CLEC4A: variants seen among roughly 807,000 people sequenced by gnomAD.
CLEC4A encodes C-type (calcium dependent, carbohydrate-recognition domain) lectin, superfamily member 6.
CLEC4A carries 27 observed loss-of-function variants against 32.7 expected under a neutral mutation model. The ratio of observed to expected loss-of-function variants is 0.83; its 90% CI spans 0.61 to 1.14. The LOEUF (loss-of-function observed/expected upper bound fraction) is 1.14, where lower values mean the gene tolerates loss of function less well. Among genes scored for constraint, CLEC4A ranks in the 50% most tolerant of loss-of-function variants. The pLI, the probability that CLEC4A is intolerant of heterozygous loss-of-function variation, is 0.00. For missense variants in CLEC4A, 253 were observed against 274.6 expected (o/e 0.92, Z 0.55); for synonymous variants, 89 against 93.7 (o/e 0.95, Z 0.29).
chr12:8,105,107 G>T, the CLEC4A span, among the ~76,000 whole-genome samples: 1 of 152,128 alleles, frequency 6.6e-6, no homozygotes, highest in Non-Finnish European at 1.5e-5. Context: ...CCAATAATGG[G>T]ATTACTGGGT....
At chr12:8,121,008 G>A (rs1947826350), upstream of CLEC4A, 1 of 152,234 alleles carries the variant, frequency 6.6e-6, no homozygotes, top group Admixed American at 6.5e-5. Flanking sequence ...CTTACAAGGA[G>A]CTATTCTGTG....
rs749967450 is a variant in CLEC4A at position 8,134,540 on chromosome 12, C to T, written c.299-1045C>T. 31 of 1,613,788 alleles carry T rather than the reference C, an allele frequency of 1.9e-5. 1 individual carries two copies. The African/African-American group carries it at 3.1e-4, about 16-fold the overall frequency. Reference sequence around the variant, plus strand: ...CCGGGGAGGCCCCATCGGAGTTGCTCTCCACCCCGACTCCTGCTTCGCCCT... The same window carrying T: ...CCGGGGAGGCCCCATCGGAGTTGCTTTCCACCCCGACTCCTGCTTCGCCCT... On this transcript the variant is annotated intron_variant, in intron 3 of 5. Coordinates refer to ENST00000229332, the MANE Select transcript of CLEC4A (RefSeq NM_016184.4).
chr12:8,111,469 T>C, the CLEC4A span, among the ~76,000 whole-genome samples: 2 of 152,236 alleles, frequency 1.3e-5, no homozygotes, highest in East Asian at 3.9e-4. Flanking sequence ...TGTGAGCCAC[T>C]GCACCTGGCC....
the CLEC4A span, among the ~76,000 whole-genome samples, chr12:8,104,374 CT>C: frequency 6.6e-6 from 1 of 152,146 alleles, no homozygotes. Context: ...CAAACAAGTA[CT>C]TTATGCCTTG....
At chr12:8,130,145 G>A (rs1252778210) in intron 3 of CLEC4A, among the ~76,000 whole-genome samples, 11 of 152,180 alleles carry the variant, frequency 7.2e-5, no homozygotes, top group African/African-American at 2.2e-4. Context: ...CCTAAAATTC[G>A]TATATGTACT....
rs567636262 is a variant in CLEC4A, at chr12:8,126,482, C to T, written c.199+805C>T. ...CAGTCTGCCTACCTCAGCCTCCTAA[C>T]GTGCTGGGATTACAGGCATGAGTCA... On this transcript the variant is annotated intron_variant, in intron 2 of 5. Coordinates refer to ENST00000229332, the MANE Select transcript of CLEC4A (RefSeq NM_016184.4). Among the ~76,000 whole-genome samples the T allele has an allele frequency of 3.6e-4, 54 of 151,054 alleles. No homozygotes were observed. In the South Asian group the frequency reaches 9.4e-3, roughly 26 times the overall value.
chr12:8,127,609 A>T (rs987347969), intron 2 of CLEC4A, among the ~76,000 whole-genome samples: 2 of 152,228 alleles, frequency 1.3e-5, no homozygotes, highest in African/African-American at 4.8e-5. Flanking sequence ...TGGAAAATGG[A>T]TAAATGAGGA....
At chr12:8,134,914 T>C in intron 3 of CLEC4A, 4 of 1,425,926 alleles carry the variant, frequency 2.8e-6, no homozygotes, top group Non-Finnish European at 3.7e-6. Context: ...TCTAGTTCTT[T>C]GCTGAAACTT....
At position 8,127,229 on chromosome 12, in the gene CLEC4A, G is replaced by A. The variant is rs777633468; in HGVS notation, c.199+1552G>A. On this transcript the variant is annotated intron_variant, in intron 2 of 5. Transcript: ENST00000229332. ...GGAATGGCAGGAGAGATTTGGCCAC[G>A]TTTCTCTTATCATTCATCAGGGTAG... 3.3e-5 allele frequency among the ~76,000 whole-genome samples: 5 copies of A among 152,288 alleles called. No homozygotes were observed. In the East Asian group the frequency reaches 7.7e-4, roughly 23 times the overall value.
the CLEC4A span, among the ~76,000 whole-genome samples, chr12:8,109,660 G>A: frequency 6.6e-6 from 1 of 152,156 alleles, no homozygotes; most frequent in Admixed American, 6.5e-5. Flanking sequence ...AGGTTACAGT[G>A]AGCTATGATG....
intron 3 of CLEC4A, among the ~76,000 whole-genome samples, chr12:8,129,921 G>A (rs907995741): frequency 1.3e-5 from 2 of 152,064 alleles, no homozygotes; most frequent in Admixed American, 6.5e-5. Context: ...CTACAGCCTC[G>A]ACCTCCCGGG....
At chr12:8,119,530 T>C (rs1345438939), upstream of CLEC4A, among the ~76,000 whole-genome samples, 1 of 152,224 alleles carries the variant, frequency 6.6e-6, no homozygotes, top group African/African-American at 2.4e-5. Flanking sequence ...AGCCTGTGTC[T>C]TTTTATTATG....
In CLEC4A at chr12:8,126,654, C is replaced by T. The variant is rs60637324; in HGVS notation, c.199+977C>T. Among the ~76,000 whole-genome samples the T allele has an allele frequency of 4.3e-3, 655 of 152,288 alleles. 5 individuals are homozygous for T. The highest frequency in any genetic ancestry group is 0.015 in the African/African-American group (631 of 41,552). ...CAGACAGAGAGTCAAGACAGAGCCA[C>T]AGCCCCTGGTCTCAAGAAATTTAGA... On this transcript the variant is annotated intron_variant, in intron 2 of 5. Transcript: ENST00000229332.
intron 3 of CLEC4A, among the ~76,000 whole-genome samples, chr12:8,132,016 G>A (rs1437737367): frequency 6.6e-6 from 1 of 152,042 alleles, no homozygotes; most frequent in Non-Finnish European, 1.5e-5. Context: ...CTCCACCACA[G>A]GCCCCAGTGT....
At chr12:8,115,165 C>T in the CLEC4A span, among the ~76,000 whole-genome samples, 5 of 152,222 alleles carry the variant, frequency 3.3e-5, no homozygotes, top group African/African-American at 1.2e-4. Flanking sequence ...GGAAGCTTTT[C>T]GATTTTCTGG....
In CLEC4A at chr12:8,138,427, G is replaced by A; in HGVS notation, c.*140G>A. 1 of 1,022,372 alleles carries A rather than the reference G, an allele frequency of 9.8e-7. No individual in the cohort carries two copies. Among genetic ancestry groups the A allele is most frequent in the African/African-American group, 1.6e-5 (1 of 62,074 alleles). The allele number at this position is 1,022,372 out of a possible 1,614,324, so 63.3% of individuals were successfully genotyped here. On this transcript the variant is annotated 3_prime_UTR_variant, in exon 6 of 6. Coordinates refer to ENST00000229332, the MANE Select transcript of CLEC4A (RefSeq NM_016184.4). The stretch of plus-strand genomic sequence containing the variant: ...AACTATTCTACTTATGAGAGAATTG[G>A]TCTGTACATTGACTGATTCACTTTT...
chr12:8,117,912 A>C, the CLEC4A span, among the ~76,000 whole-genome samples: 10 of 152,286 alleles, frequency 6.6e-5, no homozygotes, highest in South Asian at 2.1e-3. Flanking sequence ...GGCAGGTCTC[A>C]ATTGATTTAC....
chr12:8,133,018 G>A (rs759324073), intron 3 of CLEC4A, among the ~76,000 whole-genome samples: 3 of 152,112 alleles, frequency 2.0e-5, no homozygotes, highest in Non-Finnish European at 4.4e-5. Flanking sequence ...GGGTTCAAGC[G>A]ATTCTCTTGC....
At chr12:8,107,769 T>C in the CLEC4A span, among the ~76,000 whole-genome samples, 1 of 148,878 alleles carries the variant, frequency 6.7e-6, no homozygotes, top group Non-Finnish European at 1.5e-5. Flanking sequence ...ATCGATCTTC[T>C]GCTTTTTTTT....
Sources: allele counts gnomAD v4.1 joint callset (sites outside exome capture counted in the v4.1 genomes callset), GRCh38; gene constraint gnomAD v4.1.1; transcripts MANE v1.5; gene names NCBI Gene and HGNC (gene_info 2026-07-23, HGNC 2026-07-21).